The following ASIP variants were observed in gnomAD, a reference collection of about 807,000 sequenced individuals.
ASIP encodes agouti signaling protein.
ASIP carries 11 observed loss-of-function variants against 10.3 expected under a neutral mutation model. That is an observed-to-expected ratio of 1.07 (90% CI 0.68 to 1.78). The LOEUF is 1.78. Among genes scored for constraint, ASIP ranks in the 40% most tolerant of loss-of-function variants. The pLI, the probability that ASIP is intolerant of heterozygous loss-of-function variation, is 0.00. For synonymous variants in ASIP, 70 were observed against 70.8 expected (o/e 0.99, Z 0.06); for missense variants, 180 against 169.2 (o/e 1.06, Z -0.35).
At chr20:34,207,980 C>T (rs947771914) in intron 1 of ASIP, among the ~76,000 whole-genome samples, 2 of 151,678 alleles carry the variant, frequency 1.3e-5, no homozygotes, top group Non-Finnish European at 2.9e-5. Flanking sequence ...TAGTAGAGAC[C>T]GGGTTTCACC....
At chr20:34,233,240 T>C (rs1258514037) in intron 1 of ASIP, among the ~76,000 whole-genome samples, 1 of 148,886 alleles carries the variant, frequency 6.7e-6, no homozygotes, top group Non-Finnish European at 1.5e-5. Context: ...CTCTGCCTCC[T>C]GGGTTCACCC....
intron 1 of ASIP, among the ~76,000 whole-genome samples, chr20:34,235,786 G>GAAAGAAAGA (rs1356722931): frequency 1.6e-5 from 1 of 61,320 alleles, no homozygotes; most frequent in Non-Finnish European, 3.4e-5. Context: ...CTCTGAGAAA[G>GAAAGAAAGA]AAGAAAGAAA....
In ASIP at chr20:34,243,775, A is replaced by AAC. The variant is rs1206266036; in HGVS notation, c.-11+2287_-11+2288dup. On this transcript the variant is annotated intron_variant, in intron 1 of 3. Coordinates refer to ENST00000374954, the MANE Select transcript of ASIP (RefSeq NM_001672.3). ...ATTGTATTTAAAAAAAAAAAAAAAA[A>AAC]ACTGTCTCGCCGGGCGCGGTGGCTC... is the stretch of plus-strand genomic sequence containing the variant. Among the ~76,000 whole-genome samples the AAC allele has an allele frequency of 2.0e-3, 300 of 151,856 alleles. 4 individuals carry two copies. Among genetic ancestry groups the AAC allele is most frequent in the African/African-American group, 7.1e-3 (294 of 41,428 alleles).
chr20:34,247,734 A>G (rs2035404054), intron 1 of ASIP, among the ~76,000 whole-genome samples: 1 of 151,990 alleles, frequency 6.6e-6, no homozygotes, highest in Admixed American at 6.6e-5. Flanking sequence ...TCAGCCTCCC[A>G]AGATAGCTGA....
chr20:34,215,924 TA>T, intron 1 of ASIP: 1 of 827,328 alleles, frequency 1.2e-6, no homozygotes. Context: ...TTTCTGGTTA[TA>T]ATAGGCTTGC....
At chr20:34,231,902 G>T (rs2035124292) in intron 1 of ASIP, among the ~76,000 whole-genome samples, 2 of 152,166 alleles carry the variant, frequency 1.3e-5, no homozygotes, top group Non-Finnish European at 2.9e-5. Context: ...TCAGGGGTAG[G>T]ATTTGACTTT....
intron 1 of ASIP, among the ~76,000 whole-genome samples, chr20:34,225,744 A>T (rs1455706831): frequency 6.6e-6 from 1 of 151,932 alleles, no homozygotes; most frequent in Non-Finnish European, 1.5e-5. Flanking sequence ...AAGTTCTCAT[A>T]ATTGCTTGAA....
At chr20:34,188,511 C>A in the ASIP span, among the ~76,000 whole-genome samples, 1 of 152,132 alleles carries the variant, frequency 6.6e-6, no homozygotes, top group Non-Finnish European at 1.5e-5. Context: ...AACTTATTCC[C>A]TTTTAACATA....
intron 1 of ASIP, among the ~76,000 whole-genome samples, chr20:34,201,054 T>TTC (rs2034895997): frequency 9.6e-6 from 1 of 104,246 alleles, no homozygotes; most frequent in Non-Finnish European, 2.2e-5. Flanking sequence ...CTTTCTTTCT[T>TTC]TCTTTCTTTT....
chr20:34,196,363 C>G (rs983342076), intron 1 of ASIP, among the ~76,000 whole-genome samples: 2 of 151,638 alleles, frequency 1.3e-5, no homozygotes, highest in African/African-American at 4.8e-5. Flanking sequence ...TTAGTAGAGA[C>G]GGGGTTTCAC....
At chr20:34,198,171 T>A (rs922513497) in intron 1 of ASIP, among the ~76,000 whole-genome samples, 1 of 151,084 alleles carries the variant, frequency 6.6e-6, no homozygotes, top group Admixed American at 6.6e-5. Context: ...CTGCATTTCC[T>A]CAATGGTAAA....
chr20:34,214,044 T>G (rs1315104552), intron 1 of ASIP: 3 of 1,364,482 alleles, frequency 2.2e-6, no homozygotes, highest in Non-Finnish European at 3.1e-6. Flanking sequence ...CTGCCGGGTA[T>G]TCATTATTAA....
intron 2 of ASIP, 149 bp downstream of exon 2, chr20:34,260,683 T>A: frequency 1.1e-6 from 1 of 942,010 alleles, no homozygotes; most frequent in South Asian, 2.1e-5. Context: ...AAGGTGGCCC[T>A]TGACTCATTT....
upstream of ASIP, among the ~76,000 whole-genome samples, chr20:34,191,730 C>CTTTTTTTTT (rs58407816): frequency 8.0e-6 from 1 of 125,168 alleles, no homozygotes; most frequent in African/African-American, 3.3e-5. Flanking sequence ...CTCTCTCTCT[C>CTTTTTTTTT]TTTTTTTTTT....
intron 1 of ASIP, among the ~76,000 whole-genome samples, chr20:34,221,383 A>G (rs2035046681): frequency 6.6e-6 from 1 of 152,014 alleles, no homozygotes; most frequent in Non-Finnish European, 1.5e-5. Flanking sequence ...GTCTCAAAAA[A>G]AGAAAAAAAA....
intron 2 of ASIP, among the ~76,000 whole-genome samples, chr20:34,262,100 G>A (rs974550438): frequency 6.6e-6 from 1 of 151,978 alleles, no homozygotes; most frequent in South Asian, 2.1e-4. Flanking sequence ...GCAACAGAGT[G>A]AGACTCTGTC....
intron 1 of ASIP, among the ~76,000 whole-genome samples, chr20:34,220,594 C>CAA (rs11373441): frequency 0.011 from 1,502 of 135,314 alleles, 30 homozygotes; most frequent in African/African-American, 0.036. Flanking sequence ...GACCTTCTCT[C>CAA]AAAAAAAAAA....
chr20:34,212,431 T>C (rs1031759064), intron 1 of ASIP, among the ~76,000 whole-genome samples: 2 of 152,198 alleles, frequency 1.3e-5, no homozygotes, highest in Admixed American at 6.5e-5. Flanking sequence ...ATTATGACCC[T>C]TTTCTACTAA....
At chr20:34,201,709 T>C (rs1172336355) in intron 1 of ASIP, among the ~76,000 whole-genome samples, 1 of 152,234 alleles carries the variant, frequency 6.6e-6, no homozygotes, top group African/African-American at 2.4e-5. Flanking sequence ...CAAACTTGCA[T>C]GTTGCCTAGG....
Sources: allele counts gnomAD v4.1 joint callset (sites outside exome capture counted in the v4.1 genomes callset), GRCh38; gene constraint gnomAD v4.1.1; transcripts MANE v1.5; gene names NCBI Gene and HGNC (gene_info 2026-07-23, HGNC 2026-07-21).